CSMD2: variants seen among roughly 807,000 people sequenced by gnomAD.
CSMD2 encodes the protein CUB and Sushi multiple domains 2, also known as CUB and sushi domain-containing protein 2.
In CSMD2, 130 loss-of-function variants were observed where a neutral mutation model predicts 398.5. The observed-to-expected ratio is 0.33, with a 90% CI of 0.28 to 0.38. The LOEUF is 0.38. CSMD2 is among the 10% of genes least tolerant of loss of function. CSMD2 has a pLI of 1.00. For missense variants in CSMD2, 3,829 were observed against 4,764.9 expected, an observed-to-expected ratio of 0.80 and a Z score of 5.78; for synonymous variants, 1,828 against 1,908.5, an observed-to-expected ratio of 0.96 and a Z score of 1.10.
intron 58 of CSMD2, among the ~76,000 whole-genome samples, chr1:33,542,382 C>A (rs1036255182): frequency 1.3e-5 from 2 of 152,154 alleles, no homozygotes; most frequent in African/African-American, 4.8e-5. Context: ...AAGGGAAAGC[C>A]CAAGGAATTG....
In CSMD2 at chr1:33,624,980, CTGCCTCCCCTACAGAGAAA is replaced by C; in HGVS notation, c.5500+52_5500+70del. ...TGTCGTGGGGCATCACTGGGGCTGA[CTGCCTCCCCTACAGAGAAA>C]GGACTACGTGCCGCCCCCCGCACCC... On this transcript the variant is annotated intron_variant, in intron 34 of 70. Transcript: ENST00000373381. This position sits in a 1 kb window ranked among gnomAD's most constrained non-coding sequence, Gnocchi z 4.7. 3.4e-6 allele frequency: 5 copies of C among 1,477,556 alleles called. No individual in the cohort carries two copies. Among genetic ancestry groups the C allele is most frequent in the Non-Finnish European group, 4.7e-6 (5 of 1,061,248 alleles). The allele number at this position is 1,477,556 out of a possible 1,614,324, so 91.5% of individuals were successfully genotyped here.
intron 25 of CSMD2, among the ~76,000 whole-genome samples, chr1:33,678,313 TAAAAA>T (rs5773424): frequency 7.1e-6 from 1 of 140,936 alleles, no homozygotes. Flanking sequence ...CTTTATAAAT[TAAAAA>T]AAAAAAAAAA....
chr1:34,077,330 G>T (rs1362147390), intron 2 of CSMD2, among the ~76,000 whole-genome samples: 18 of 150,364 alleles, frequency 1.2e-4, no homozygotes, highest in Non-Finnish European at 2.7e-4. Context: ...GGTGGCGGGC[G>T]CCTGTAGTCC....
chr1:33,602,232 A>G, intron 43 of CSMD2, 137 bp downstream of exon 43: 1 of 876,560 alleles, frequency 1.1e-6, no homozygotes, highest in Non-Finnish European at 1.8e-6. Flanking sequence ...GTTTATTTGA[A>G]ACCCAGGAGG....
chr1:34,143,899 G>T (rs767006721), intron 1 of CSMD2, among the ~76,000 whole-genome samples: 1 of 152,156 alleles, frequency 6.6e-6, no homozygotes, highest in African/African-American at 2.4e-5. Flanking sequence ...GGAGAATCAG[G>T]TCTGACTCCA....
chr1:33,905,202 T>C (rs989651826), intron 5 of CSMD2, among the ~76,000 whole-genome samples: 1 of 152,124 alleles, frequency 6.6e-6, no homozygotes. Flanking sequence ...CTAGATGATA[T>C]TGAAAGCCCA....
intron 12 of CSMD2, among the ~76,000 whole-genome samples, chr1:33,778,412 G>A (rs1652277106): frequency 6.6e-6 from 1 of 152,052 alleles, no homozygotes; most frequent in Non-Finnish European, 1.5e-5. Context: ...GACATTGGGG[G>A]TATAACAGCG....
chr1:33,792,537 A>T lies in CSMD2; in HGVS notation c.1447-11T>A, dbSNP rs779674103. 6.3e-7 allele frequency: 1 copy of T among 1,594,964 alleles called. No individual in the cohort carries two copies. Among genetic ancestry groups the T allele is most frequent in the East Asian group, 2.2e-5 (1 of 44,772 alleles). On this transcript the variant is annotated splice_polypyrimidine_tract_variant and intron_variant, in intron 10 of 70. Coordinates refer to ENST00000373381, the MANE Select transcript of CSMD2 (RefSeq NM_001281956.2). ...GGCGAGCTTGATCACCTAGGGAGGG[A>T]ACACAGGGTTAGGAGCAGGCAGGGG...
At chr1:34,099,236 A>G (rs911031028) in intron 1 of CSMD2, among the ~76,000 whole-genome samples, 1 of 152,218 alleles carries the variant, frequency 6.6e-6, no homozygotes. Flanking sequence ...TCACTGCATC[A>G]TGCCATTAAT....
At chr1:33,539,181 C>A (rs1047365405) in intron 60 of CSMD2, among the ~76,000 whole-genome samples, 1 of 152,074 alleles carries the variant, frequency 6.6e-6, no homozygotes, top group Admixed American at 6.5e-5. Flanking sequence ...TTAGCCAGGA[C>A]GGTCTCAATC....
At chr1:33,840,693 T>C (rs766243349) in intron 6 of CSMD2, among the ~76,000 whole-genome samples, 32 of 152,220 alleles carry the variant, frequency 2.1e-4, no homozygotes, top group Non-Finnish European at 4.0e-4. Flanking sequence ...GGGTGCCATA[T>C]TTTGTGTGCC....
At chr1:33,712,094 T>A (rs1646011819) in intron 21 of CSMD2, among the ~76,000 whole-genome samples, 1 of 152,188 alleles carries the variant, frequency 6.6e-6, no homozygotes, top group Non-Finnish European at 1.5e-5. Context: ...GATTCTGGCA[T>A]CTGTGACTTC....
intron 5 of CSMD2, among the ~76,000 whole-genome samples, chr1:33,856,226 A>G (rs1639078446): frequency 6.6e-6 from 1 of 152,230 alleles, no homozygotes; most frequent in Non-Finnish European, 1.5e-5. Context: ...CCTTCAGAGT[A>G]GACCGCAGAG....
intron 40 of CSMD2, among the ~76,000 whole-genome samples, chr1:33,613,971 C>CA (rs1260428970): frequency 6.6e-6 from 1 of 151,900 alleles, no homozygotes; most frequent in Non-Finnish European, 1.5e-5. Flanking sequence ...CCCCCAAAAC[C>CA]AAAAAAACAA....
chr1:33,778,432 A>T (rs1400912944), intron 12 of CSMD2, among the ~76,000 whole-genome samples: 1 of 152,116 alleles, frequency 6.6e-6, no homozygotes, highest in Non-Finnish European at 1.5e-5. Flanking sequence ...GAATAAAAGG[A>T]TGAAAATTTG....
At chr1:33,914,474 T>G (rs1643624413) in intron 5 of CSMD2, among the ~76,000 whole-genome samples, 1 of 152,046 alleles carries the variant, frequency 6.6e-6, no homozygotes, top group Admixed American at 6.5e-5. Flanking sequence ...ATACCAATTC[T>G]TCTCTGTGGG....
intron 53 of CSMD2, among the ~76,000 whole-genome samples, chr1:33,567,194 T>C (rs1344413886): frequency 6.6e-6 from 1 of 151,934 alleles, no homozygotes; most frequent in Non-Finnish European, 1.5e-5. Flanking sequence ...GAATTTCTAA[T>C]AAATAATAAA....
rs925838451 is a variant in CSMD2 at position 34,106,937 on chromosome 1, T to A, written c.188-17744A>T. On this transcript the variant is annotated intron_variant, in intron 1 of 70. Coordinates refer to ENST00000373381, the MANE Select transcript of CSMD2 (RefSeq NM_001281956.2). ...GATTTTCCCTGCATGGTGATACAGA[T>A]GCAGTTCATTTTCCATCATCCTAAG... Among the ~76,000 whole-genome samples, 11 of 152,346 alleles carry A rather than the reference T, an allele frequency of 7.2e-5. No individual in the cohort carries two copies. In the East Asian group the frequency reaches 2.1e-3, roughly 29 times the overall value.
intron 1 of CSMD2, among the ~76,000 whole-genome samples, chr1:34,128,681 A>C (rs920319675): frequency 2.0e-5 from 3 of 152,194 alleles, no homozygotes; most frequent in Non-Finnish European, 4.4e-5. Flanking sequence ...ATGGTTGTCA[A>C]GTGCAGACTC....
Sources: gnomAD v4.1 joint callset for allele counts (sites outside exome capture counted in the v4.1 genomes callset) on GRCh38, gnomAD v4.1.1 for gene constraint, Gnocchi (gnomAD v3.1) non-coding constraint, MANE v1.5 for transcripts, NCBI Gene and HGNC (gene_info 2026-07-23, HGNC 2026-07-21) for gene names.